Variants in ADCY10 observed in about 807,000 individuals in gnomAD.
ADCY10 encodes adenylate cyclase 10.
ADCY10 carries 156 observed loss-of-function variants against 183.3 expected under a neutral mutation model. That is an observed-to-expected ratio of 0.85 (90% CI 0.75 to 0.97). ADCY10 has a LOEUF of 0.97. Ranked by LOEUF, ADCY10 falls within the 50% of genes least tolerant of loss-of-function variation. The pLI is 0.00. For missense variants in ADCY10, 1,745 were observed against 1,934.3 expected, an observed-to-expected ratio of 0.90 and a Z score of 1.84; for synonymous variants, 645 against 670.0, an observed-to-expected ratio of 0.96 and a Z score of 0.58.
intron 16 of ADCY10, among the ~76,000 whole-genome samples, chr1:167,859,326 C>G (rs1277206240): frequency 6.6e-6 from 1 of 152,176 alleles, no homozygotes; most frequent in East Asian, 1.9e-4. Context: ...AGACACTGTT[C>G]TAAGTGTTTC....
chr1:167,820,566 GTTAT>G (rs1662844087), intron 30 of ADCY10: 1 of 283,206 alleles, frequency 3.5e-6, no homozygotes, highest in Non-Finnish European at 6.5e-6. Flanking sequence ...ACATTGGTAA[GTTAT>G]TTGATTTTGA....
chr1:167,874,704 G>A (rs986902968), intron 13 of ADCY10, among the ~76,000 whole-genome samples: 1 of 152,108 alleles, frequency 6.6e-6, no homozygotes, highest in African/African-American at 2.4e-5. Flanking sequence ...ACCAAAAACT[G>A]GAAATAACCC....
intron 8 of ADCY10, among the ~76,000 whole-genome samples, chr1:167,888,577 T>C (rs1384053648): frequency 6.6e-6 from 1 of 152,168 alleles, no homozygotes; most frequent in Non-Finnish European, 1.5e-5. Flanking sequence ...TGTTAGCATA[T>C]AGAAATGCTG....
At chr1:167,817,226 A>ATGG (rs1477587437) in intron 31 of ADCY10, among the ~76,000 whole-genome samples, 2 of 152,170 alleles carry the variant, frequency 1.3e-5, no homozygotes, top group Non-Finnish European at 2.9e-5. Context: ...TTAGCCAGGC[A>ATGG]TGGTGGCACG....
chr1:167,837,373 G>A, intron 21 of ADCY10, 55 bp from the exon 22 acceptor site: 1 of 1,434,870 alleles, frequency 7.0e-7, no homozygotes, highest in Non-Finnish European at 9.8e-7. Flanking sequence ...CTGCAGTGGA[G>A]ATATCTGCTG....
intron 12 of ADCY10, among the ~76,000 whole-genome samples, chr1:167,877,415 A>G (rs371973671): frequency 7.2e-5 from 11 of 151,804 alleles, no homozygotes; most frequent in African/African-American, 2.7e-4. Context: ...AATAATAAAG[A>G]CACCTTGACC....
At chr1:167,888,248 TG>T (rs1668358783) in intron 8 of ADCY10, among the ~76,000 whole-genome samples, 1 of 152,218 alleles carries the variant, frequency 6.6e-6, no homozygotes, top group Non-Finnish European at 1.5e-5. Context: ...CAGATAGCTT[TG>T]GCTACTCTGG....
Position 167,878,506 on chromosome 1 carries a change from A to G in ADCY10, c.1346T>C (p.Val449Ala). ...AYFFKELPKK[V>A]MKGVADSGPL... ...TCCAGAATCTGCAACACCTTTCATA[A>G]CTTTCTTTGGAAGCTCTTTAAAAAA... Residue 449 changes from valine (V) to alanine (A), a missense_variant, in exon 12 of 33, where the codon GTT becomes GCT. By Grantham distance (64) the Val-to-Ala change is moderately conservative (BLOSUM62 0). Coordinates refer to ENST00000367851, the MANE Select transcript of ADCY10 (RefSeq NM_018417.6). 1 of 1,614,126 alleles carries G rather than the reference A, an allele frequency of 6.2e-7. No individual in the cohort carries two copies. Among genetic ancestry groups the G allele is most frequent in the South Asian group, 1.1e-5 (1 of 91,080 alleles).
chr1:167,875,252 T>C, intron 12 of ADCY10, 66 bp from the exon 13 acceptor site: 4 of 1,490,610 alleles, frequency 2.7e-6, no homozygotes, highest in Non-Finnish European at 2.8e-6. Context: ...GCAAGAGTGA[T>C]TAGTTCTTAG....
intron 18 of ADCY10, among the ~76,000 whole-genome samples, chr1:167,851,472 C>T (rs115049784): frequency 0.039 from 5,883 of 152,166 alleles, 172 homozygotes; most frequent in South Asian, 0.062. Flanking sequence ...TAGGTGTGGG[C>T]CACTGCACCT....
intron 13 of ADCY10, among the ~76,000 whole-genome samples, chr1:167,874,626 C>T (rs1667325723): frequency 6.6e-6 from 1 of 152,216 alleles, no homozygotes. Flanking sequence ...TTGTACTCAA[C>T]AGAAATGCAT....
intron 1 of ADCY10, among the ~76,000 whole-genome samples, chr1:167,911,929 A>T (rs565775974): frequency 5.3e-4 from 81 of 152,246 alleles, no homozygotes; most frequent in Non-Finnish European, 1.0e-3. Context: ...AAGATGGCAT[A>T]TGTAGATGTG....
At chr1:167,851,549 A>G (rs971988273) in intron 18 of ADCY10, among the ~76,000 whole-genome samples, 2 of 152,146 alleles carry the variant, frequency 1.3e-5, no homozygotes, top group African/African-American at 2.4e-5. Context: ...TTGGTCGGGC[A>G]CAGTGGCTCA....
intron 25 of ADCY10, among the ~76,000 whole-genome samples, chr1:167,831,397 T>C (rs4657723): frequency 0.042 from 6,439 of 152,280 alleles, 201 homozygotes; most frequent in East Asian, 0.15. Flanking sequence ...TTTCACCATG[T>C]TGGCCAGACT....
chr1:167,855,003 A>G (rs867427117), intron 17 of ADCY10, among the ~76,000 whole-genome samples: 2 of 152,138 alleles, frequency 1.3e-5, no homozygotes, highest in Non-Finnish European at 2.9e-5. Context: ...AACATTCTCT[A>G]TGTTGTTAAG....
intron 24 of ADCY10, among the ~76,000 whole-genome samples, chr1:167,833,401 T>A (rs906916683): frequency 1.2e-4 from 18 of 152,272 alleles, no homozygotes; most frequent in Middle Eastern, 3.4e-3. Flanking sequence ...TGAGACAATG[T>A]TTACCCATTC....
chr1:167,820,356 G>A (rs1662821956), intron 30 of ADCY10: 3 of 715,282 alleles, frequency 4.2e-6, no homozygotes, highest in Non-Finnish European at 6.5e-6. Flanking sequence ...AGAGGGGCGG[G>A]GCCAGCCCGC....
At position 167,818,170 on chromosome 1, in the gene ADCY10, C is replaced by T. The variant is rs200667417; in HGVS notation, c.4384G>A (p.Gly1462Arg). 3.7e-5 allele frequency: 60 copies of T among 1,613,934 alleles called. 1 individual carries two copies. Among genetic ancestry groups the T allele is most frequent in the African/African-American group, 2.7e-5 (2 of 74,886 alleles). The change falls in exon 31 of 33, where the codon GGA (glycine) becomes AGA (arginine). Residue 1462 changes from glycine to arginine, a missense_variant. Physicochemically the swap from Gly to Arg is moderately radical, Grantham distance 125. Coordinates refer to ENST00000367851, the MANE Select transcript of ADCY10 (RefSeq NM_018417.6). ...RRTMTLTYYD[G>R]ISRYMEGQVL... ...TGCCCCTCCATGTACCTAGATATTC[C>T]GTCATAGTAAGTAAGTGTCATGGTT...
intron 8 of ADCY10, among the ~76,000 whole-genome samples, chr1:167,884,315 T>C (rs1230791030): frequency 6.6e-6 from 1 of 152,136 alleles, no homozygotes; most frequent in East Asian, 1.9e-4. Context: ...GCACTTCTTA[T>C]ATGGCCAGAG....
Sources: gnomAD v4.1 joint callset for allele counts (sites outside exome capture counted in the v4.1 genomes callset) on GRCh38, gnomAD v4.1.1 for gene constraint, MANE v1.5 for transcripts, NCBI Gene and HGNC (gene_info 2026-07-23, HGNC 2026-07-21) for gene names.